The following CNTNAP2 variants were observed in gnomAD, a reference collection of about 807,000 sequenced individuals.
The protein encoded by CNTNAP2 is contactin-associated protein-like 2.
Under a neutral mutation model 155.2 loss-of-function variants are expected in CNTNAP2, and 98 were observed. The ratio of observed to expected loss-of-function variants is 0.63; its 90% CI spans 0.54 to 0.75. The LOEUF is 0.75. CNTNAP2 is among the 30% of genes least tolerant of loss of function. CNTNAP2 has a pLI of 0.00. For synonymous variants in CNTNAP2, 651 were observed against 631.2 expected (o/e 1.03, Z -0.47); for missense variants, 1,727 against 1,688.1 (o/e 1.02, Z -0.40).
rs12674034 is a variant in CNTNAP2, at chr7:147,136,678, A to G, written c.1348+4169A>G. 6.0e-4 allele frequency among the ~76,000 whole-genome samples: 91 copies of G among 152,054 alleles called. No individual in the cohort carries two copies. In the East Asian group the frequency reaches 0.017, roughly 29 times the overall value. On this transcript the variant is annotated intron_variant, in intron 8 of 23. Coordinates refer to ENST00000361727, the MANE Select transcript of CNTNAP2 (RefSeq NM_014141.6). ...TATCTCTGTTCTTGATTTTATGAACACTTGGAAATGTAGCCAGCATATTAA... is the reference window on the plus strand; with the variant it reads ...TATCTCTGTTCTTGATTTTATGAACGCTTGGAAATGTAGCCAGCATATTAA...
intron 10 of CNTNAP2, among the ~76,000 whole-genome samples, chr7:147,484,220 G>T (rs142108486): frequency 6.6e-6 from 1 of 152,200 alleles, no homozygotes; most frequent in African/African-American, 2.4e-5. Context: ...AAAAGTAAGT[G>T]TCTATTAAAT....
chr7:146,523,948 A>G (rs1448468231), intron 1 of CNTNAP2, among the ~76,000 whole-genome samples: 1 of 152,012 alleles, frequency 6.6e-6, no homozygotes, highest in Non-Finnish European at 1.5e-5. Flanking sequence ...GCCTTTATTC[A>G]AGTTGCTGAT....
chr7:146,656,012 T>C (rs1170538535), intron 1 of CNTNAP2, among the ~76,000 whole-genome samples: 3 of 152,204 alleles, frequency 2.0e-5, no homozygotes, highest in Non-Finnish European at 4.4e-5. Flanking sequence ...TATTGTCTAT[T>C]ATCAGTTATA....
intron 2 of CNTNAP2, among the ~76,000 whole-genome samples, chr7:146,836,744 T>C (rs1453427641): frequency 6.6e-6 from 1 of 152,200 alleles, no homozygotes; most frequent in Non-Finnish European, 1.5e-5. Flanking sequence ...AATATGAGTT[T>C]CAAAATGGTA....
intron 1 of CNTNAP2, among the ~76,000 whole-genome samples, chr7:146,731,444 T>C (rs1015360155): frequency 6.6e-6 from 1 of 152,068 alleles, no homozygotes; most frequent in South Asian, 2.1e-4. Flanking sequence ...GCTTAACTGT[T>C]TTTTATTTCC....
At chr7:146,298,323 C>T (rs10233688) in intron 1 of CNTNAP2, among the ~76,000 whole-genome samples, 21,642 of 152,010 alleles carry the variant, frequency 0.14, 3,989 homozygotes, top group African/African-American at 0.43. Context: ...GGTTTTCCTG[C>T]AGAAGGCTAC....
intron 1 of CNTNAP2, among the ~76,000 whole-genome samples, chr7:146,663,068 A>G (rs1800120250): frequency 6.6e-6 from 1 of 152,128 alleles, no homozygotes; most frequent in Non-Finnish European, 1.5e-5. Context: ...ACCTGAGGTC[A>G]GGAGTTCGAG....
At chr7:147,424,428 C>G (rs552269629) in intron 10 of CNTNAP2, among the ~76,000 whole-genome samples, 3 of 152,214 alleles carry the variant, frequency 2.0e-5, no homozygotes, top group East Asian at 3.9e-4. Flanking sequence ...TTTCTTGAAA[C>G]ATTTTCTTGT....
intron 1 of CNTNAP2, among the ~76,000 whole-genome samples, chr7:146,697,537 C>T (rs1297303134): frequency 2.0e-5 from 3 of 152,158 alleles, no homozygotes; most frequent in Non-Finnish European, 2.9e-5. Flanking sequence ...CCACGCTTGG[C>T]CCTTATTTTA....
chr7:146,122,559 T>C (rs906204100), intron 1 of CNTNAP2, among the ~76,000 whole-genome samples: 1 of 152,226 alleles, frequency 6.6e-6, no homozygotes, highest in African/African-American at 2.4e-5. Flanking sequence ...AATTTCTGCA[T>C]AGTTTAGAAA....
At position 147,121,051 on chromosome 7, in the gene CNTNAP2, G is replaced by A; in HGVS notation, c.827G>A (p.Trp276Ter). ...GGAAGTTTGCTGGATGACCACCACT[G>A]GCACTCTGTGGTCATTGAGCGCCAG... Reference protein sequence around the residue: ...MTGSLLDDHHWHSVVIERQGR... With the variant: ...MTGSLLDDHH The change falls in exon 6 of 24, where the codon TGG (tryptophan) becomes TAG (stop). Residue 276 changes from tryptophan to a stop codon, truncating the protein, a stop_gained. Transcript: ENST00000361727. LOFTEE classifies it high-confidence loss of function. The A allele has an allele frequency of 1.2e-6, 2 of 1,614,050 alleles. No individual in the cohort carries two copies. Among genetic ancestry groups the A allele is most frequent in the Non-Finnish European group, 1.7e-6 (2 of 1,179,998 alleles).
intron 13 of CNTNAP2, among the ~76,000 whole-genome samples, chr7:147,848,603 G>A (rs1295627826): frequency 2.0e-5 from 3 of 151,868 alleles, no homozygotes; most frequent in Admixed American, 6.6e-5. Flanking sequence ...GTTCCTATTC[G>A]GCCATCTTGG....
intron 15 of CNTNAP2, among the ~76,000 whole-genome samples, chr7:148,102,174 T>C (rs1772889299): frequency 6.6e-6 from 1 of 152,192 alleles, no homozygotes; most frequent in Non-Finnish European, 1.5e-5. Flanking sequence ...TGTTTCCTTC[T>C]TTGTGTCCCT....
At chr7:147,840,738 G>C (rs1187451784) in intron 13 of CNTNAP2, among the ~76,000 whole-genome samples, 1 of 152,080 alleles carries the variant, frequency 6.6e-6, no homozygotes, top group Non-Finnish European at 1.5e-5. Flanking sequence ...TGATTCATGG[G>C]GACAGAAAGG....
At chr7:147,751,913 G>T (rs899317164) in intron 13 of CNTNAP2, among the ~76,000 whole-genome samples, 2 of 152,090 alleles carry the variant, frequency 1.3e-5, no homozygotes, top group Non-Finnish European at 2.9e-5. Context: ...ACTTACAGGA[G>T]AAAATCAAGA....
intron 12 of CNTNAP2, among the ~76,000 whole-genome samples, chr7:147,607,390 TTCTCTC>T (rs149390005): frequency 0.03 from 4,545 of 152,158 alleles, 101 homozygotes; most frequent in African/African-American, 0.043. Flanking sequence ...CTCTTTCTCT[TTCTCTC>T]TGTCTCTCTT....
chr7:148,338,156 C>T (rs1798154743), intron 21 of CNTNAP2, among the ~76,000 whole-genome samples: 1 of 152,104 alleles, frequency 6.6e-6, no homozygotes, highest in African/African-American at 2.4e-5. Flanking sequence ...TTGCCTTTTC[C>T]ACAATGTCAT....
At chr7:148,272,851 C>T (rs1796805993) in intron 21 of CNTNAP2, among the ~76,000 whole-genome samples, 1 of 152,142 alleles carries the variant, frequency 6.6e-6, no homozygotes, top group Admixed American at 6.5e-5. Context: ...CAGATAAACA[C>T]AAGACCCGTA....
intron 3 of CNTNAP2, among the ~76,000 whole-genome samples, chr7:146,924,164 G>T (rs952281333): frequency 6.6e-6 from 1 of 152,048 alleles, no homozygotes; most frequent in African/African-American, 2.4e-5. Flanking sequence ...AGAGTGCCAG[G>T]CTGACACTCA....
Sources: allele counts gnomAD v4.1 joint callset (sites outside exome capture counted in the v4.1 genomes callset), GRCh38; gene constraint gnomAD v4.1.1; transcripts MANE v1.5; gene names NCBI Gene and HGNC (gene_info 2026-07-23, HGNC 2026-07-21).